CD40: variants seen among roughly 807,000 people sequenced by gnomAD.
CD40 encodes CD40 molecule.
In CD40, 19 loss-of-function variants were observed where a neutral mutation model predicts 38.5. The ratio of observed to expected loss-of-function variants is 0.49; its 90% CI spans 0.34 to 0.72. The LOEUF (loss-of-function observed/expected upper bound fraction) is 0.72. Ranked by LOEUF, CD40 falls within the 30% of genes least tolerant of loss-of-function variation. The pLI, the probability that CD40 is intolerant of heterozygous loss-of-function variation, is 0.01. For synonymous variants in CD40, 130 were observed against 128.7 expected (o/e 1.01, Z -0.07); for missense variants, 256 against 344.1 (o/e 0.74, Z 2.03).
chr20:46,124,698 C>G (rs1396556763), intron 5 of CD40, among the ~76,000 whole-genome samples: 1 of 139,720 alleles, frequency 7.2e-6, no homozygotes, highest in African/African-American at 2.6e-5. Flanking sequence ...ATGGTAGGTG[C>G]TTAAATTTTT....
chr20:46,129,727 G>A lies in CD40; in HGVS notation c.*687G>A, dbSNP rs1016289073. 2.6e-5 allele frequency: 4 copies of A among 152,334 alleles called. No homozygotes were observed. Among genetic ancestry groups the A allele is most frequent in the African/African-American group, 9.7e-5 (4 of 41,426 alleles). 9.4% of individuals were successfully genotyped at this position (152,334 alleles called of 1,614,324 possible). A position where few individuals can be genotyped will look rare whatever the true frequency, so the allele number is the denominator to read the frequency against. On this transcript the variant is annotated 3_prime_UTR_variant, in exon 9 of 9. Transcript: ENST00000372285. Reference sequence around the variant, plus strand: ...TCGAAGAGTGGTGACGTCTGGGGTGGGGAAGAAGGGTCTGGGGGAGGGTTG... The same window carrying A: ...TCGAAGAGTGGTGACGTCTGGGGTGAGGAAGAAGGGTCTGGGGGAGGGTTG...
chr20:46,126,380 C>T (rs1460703974), intron 5 of CD40, among the ~76,000 whole-genome samples: 1 of 152,214 alleles, frequency 6.6e-6, no homozygotes, highest in African/African-American at 2.4e-5. Context: ...CAAAGCTTGG[C>T]ACTCATTATA....
rs1424968129 is a variant in CD40 at position 46,127,932 on chromosome 20, C to T, written c.560-206C>T. 3.4e-5 allele frequency: 32 copies of T among 928,896 alleles called. No homozygotes were observed. In the East Asian group the frequency reaches 5.4e-4, roughly 16 times the overall value. 57.5% of individuals were successfully genotyped at this position (928,896 alleles called of 1,614,324 possible). ...ATGTGATCTCCCAGTTTAAAAATGT[C>T]GGCAAATATTTCCAAACGTTAAGAA... On this transcript the variant is annotated intron_variant, in intron 6 of 8. Transcript: ENST00000372285.
At chr20:46,127,501 G>A (rs775676178) in intron 6 of CD40, among the ~76,000 whole-genome samples, 1 of 152,142 alleles carries the variant, frequency 6.6e-6, no homozygotes, top group Admixed American at 6.5e-5. Context: ...CTTGGTGTCC[G>A]CCTGATGATT....
intron 2 of CD40, 93 bp downstream of exon 2, chr20:46,121,991 A>G: frequency 8.5e-7 from 1 of 1,175,542 alleles, no homozygotes; most frequent in Non-Finnish European, 1.3e-6. Context: ...CTCAAATCTG[A>G]AACGACCCAT....
At chr20:46,118,959 AT>A (rs1473504505) in intron 1 of CD40, among the ~76,000 whole-genome samples, 13 of 152,166 alleles carry the variant, frequency 8.5e-5, no homozygotes, top group African/African-American at 3.1e-4. Flanking sequence ...CCTAGGAGGA[AT>A]CCCCAGGGCT....
In CD40 at chr20:46,122,661, G is replaced by A; in HGVS notation, c.308G>A (p.Cys103Tyr). 1 of 1,614,146 alleles carries A rather than the reference G, an allele frequency of 6.2e-7. No individual in the cohort carries two copies. Among genetic ancestry groups the A allele is most frequent in the Non-Finnish European group, 8.5e-7 (1 of 1,180,018 alleles). The change falls in exon 4 of 9, where the codon TGC becomes TAC. Residue 103 changes from cysteine to tyrosine, a missense_variant. Physicochemically the swap from Cys to Tyr is radical, Grantham distance 194. Transcript: ENST00000372285. This position sits in a 1 kb window ranked among gnomAD's most constrained non-coding sequence, Gnocchi z 5.0. ...QKGTSETDTI[C>Y]TCEEGWHCTS... Reference sequence around the variant, plus strand: ...GGCACCTCAGAAACAGACACCATCTGCACCTGTGAAGAAGGCTGGCACTGT... The same window carrying A: ...GGCACCTCAGAAACAGACACCATCTACACCTGTGAAGAAGGCTGGCACTGT...
At position 46,128,895 on chromosome 20, in the gene CD40, A is replaced by G; in HGVS notation, c.689A>G (p.Lys230Arg). The G allele has an allele frequency of 6.2e-7, 1 of 1,614,128 alleles. No individual in the cohort carries two copies. The highest frequency in any genetic ancestry group is 8.5e-7 in the Non-Finnish European group (1 of 1,179,980). ...TTGCCTCTCCAGGCCCCCCACCCCAAGCAGGAACCCCAGGAGATCAATTTT... is the reference window on the plus strand; with the variant it reads ...TTGCCTCTCCAGGCCCCCCACCCCAGGCAGGAACCCCAGGAGATCAATTTT... ...KKPTNKAPHP[K>R]QEPQEINFPD... The change falls in exon 9 of 9, where the codon AAG becomes AGG. Residue 230 changes from lysine (K) to arginine (R), a missense_variant. Lys to Arg is a conservative substitution (Grantham distance 26, BLOSUM62 2). Coordinates refer to ENST00000372285, the MANE Select transcript of CD40 (RefSeq NM_001250.6).
rs781766854 is a variant in CD40, at chr20:46,122,665, C to T, written c.312C>T (p.Thr104=). The stretch of plus-strand genomic sequence containing the variant: ...CCTCAGAAACAGACACCATCTGCAC[C>T]TGTGAAGAAGGCTGGCACTGTACGA... ...KGTSETDTIC[T]CEEGWHCTSE... The change falls in exon 4 of 9, where the codon ACC becomes ACT. Residue 104 remains threonine, a synonymous_variant. Coordinates refer to ENST00000372285, the MANE Select transcript of CD40 (RefSeq NM_001250.6). This position sits in a 1 kb window ranked among gnomAD's most constrained non-coding sequence, Gnocchi z 5.0. 1 of 1,614,132 alleles carries T rather than the reference C, an allele frequency of 6.2e-7. No homozygotes were observed. Among genetic ancestry groups the T allele is most frequent in the Non-Finnish European group, 8.5e-7 (1 of 1,180,024 alleles).
At chr20:46,119,603 G>A (rs2085278890) in intron 1 of CD40, among the ~76,000 whole-genome samples, 1 of 152,182 alleles carries the variant, frequency 6.6e-6, no homozygotes, top group Non-Finnish European at 1.5e-5. Flanking sequence ...GTAGAGGCTG[G>A]GCTGTGACAA....
At chr20:46,119,223 T>G (rs1452614346) in intron 1 of CD40, among the ~76,000 whole-genome samples, 2 of 152,232 alleles carry the variant, frequency 1.3e-5, no homozygotes, top group Non-Finnish European at 2.9e-5. Context: ...AGTTCCTCAT[T>G]CTGGAGGCTG....
chr20:46,128,838 G>C (rs752892630), intron 8 of CD40, 44 bp from the exon 9 acceptor site: 2 of 1,607,274 alleles, frequency 1.2e-6, no homozygotes, highest in Non-Finnish European at 1.7e-6. Flanking sequence ...CAGAGGCACA[G>C]CTGCCCCTGC....
In CD40 at chr20:46,118,386, C is replaced by T; in HGVS notation, c.43C>T (p.Leu15=). ...PLQCVLWGCL[L]TAVHPEPPTA... Reference sequence around the variant, plus strand: ...GCAGTGCGTCCTCTGGGGCTGCTTGCTGACCGCTGTGAGTTGTTTTTGCCC... The same window carrying T: ...GCAGTGCGTCCTCTGGGGCTGCTTGTTGACCGCTGTGAGTTGTTTTTGCCC... Residue 15 remains leucine, a synonymous_variant, in exon 1 of 9, where the codon CTG becomes TTG. Coordinates refer to ENST00000372285, the MANE Select transcript of CD40 (RefSeq NM_001250.6). The T allele has an allele frequency of 6.2e-7, 1 of 1,614,082 alleles. No individual in the cohort carries two copies. The highest frequency in any genetic ancestry group is 1.1e-5 in the South Asian group (1 of 91,086).
Position 46,118,339 on chromosome 20 carries a change from T to G in CD40, c.-5T>G, listed in dbSNP as rs1407293432. 1 of 1,613,794 alleles carries G rather than the reference T, an allele frequency of 6.2e-7. No individual in the cohort carries two copies. Among genetic ancestry groups the G allele is most frequent in the South Asian group, 1.1e-5 (1 of 91,070 alleles). ...AGTGGTCCTGCCGCCTGGTCTCACC[T>G]CGCTATGGTTCGTCTGCCTCTGCAG... On this transcript the variant is annotated 5_prime_UTR_variant, in exon 1 of 9. Transcript: ENST00000372285.
intron 5 of CD40, among the ~76,000 whole-genome samples, chr20:46,124,758 T>G (rs957674752): frequency 1.0e-4 from 10 of 97,830 alleles, no homozygotes; most frequent in African/African-American, 3.8e-4. Context: ...ATAGTTTTTT[T>G]TTTTTTTTTT....
chr20:46,128,500 CA>C, intron 8 of CD40, 142 bp downstream of exon 8: 1 of 893,242 alleles, frequency 1.1e-6, no homozygotes. Context: ...CTGTCATCCC[CA>C]CCCACCATGC....
At chr20:46,124,656 A>G (rs2085387128) in intron 5 of CD40, among the ~76,000 whole-genome samples, 1 of 150,488 alleles carries the variant, frequency 6.6e-6, no homozygotes, top group Non-Finnish European at 1.5e-5. Flanking sequence ...TTCCATTGAT[A>G]CATCCCCTAT....
chr20:46,120,879 A>G (rs1336281871), intron 1 of CD40, among the ~76,000 whole-genome samples: 1 of 152,208 alleles, frequency 6.6e-6, no homozygotes, highest in African/African-American at 2.4e-5. Context: ...AGCCTGGCCA[A>G]CATGGTGAAA....
intron 1 of CD40, 145 bp downstream of exon 1, chr20:46,118,539 C>T: frequency 2.5e-6 from 2 of 796,274 alleles, no homozygotes; most frequent in South Asian, 1.5e-5. Context: ...TGCCCCCGCT[C>T]CTGGCTGAAT....
Sources: allele counts gnomAD v4.1 joint callset (sites outside exome capture counted in the v4.1 genomes callset), GRCh38; gene constraint gnomAD v4.1.1; non-coding constraint Gnocchi (gnomAD v3.1); transcripts MANE v1.5; gene names NCBI Gene and HGNC (gene_info 2026-07-23, HGNC 2026-07-21).